The following KCNG3 variants were observed in gnomAD, a reference collection of about 807,000 sequenced individuals.
KCNG3 encodes voltage-gated potassium channel regulatory subunit KCNG3.
In KCNG3, 15 loss-of-function variants were observed where a neutral mutation model predicts 29.0. The ratio of observed to expected loss-of-function variants is 0.52; its 90% CI spans 0.35 to 0.80. The LOEUF is 0.80. Ranked by LOEUF, KCNG3 falls within the 30% of genes least tolerant of loss-of-function variation. KCNG3 has a pLI of 0.01. For missense variants in KCNG3, 512 were observed against 605.7 expected, an observed-to-expected ratio of 0.85 and a Z score of 1.62; for synonymous variants, 322 against 248.9, an observed-to-expected ratio of 1.29 and a Z score of -2.76.
chr2:42,478,531 T>C (rs1673498770), intron 1 of KCNG3, among the ~76,000 whole-genome samples: 1 of 152,014 alleles, frequency 6.6e-6, no homozygotes, highest in African/African-American at 2.4e-5. Context: ...ACACCTGGCC[T>C]GTCAAAGACA....
downstream of KCNG3, among the ~76,000 whole-genome samples, chr2:42,438,851 A>C (rs1672420718): frequency 6.7e-6 from 1 of 149,452 alleles, no homozygotes; most frequent in East Asian, 1.9e-4. Context: ...TCAGAAGCAG[A>C]ACTGATATGC....
the KCNG3 span, among the ~76,000 whole-genome samples, chr2:42,430,071 G>T: frequency 6.6e-6 from 1 of 152,044 alleles, no homozygotes; most frequent in South Asian, 2.1e-4. Flanking sequence ...TTTTATTAAG[G>T]TAACCAACTA....
At chr2:42,435,278 A>G in the KCNG3 span, among the ~76,000 whole-genome samples, 1 of 152,204 alleles carries the variant, frequency 6.6e-6, no homozygotes, top group East Asian at 1.9e-4. Context: ...ACTTCACTCC[A>G]GGCTGGGCAA....
chr2:42,482,582 G>T (rs1352044066), intron 1 of KCNG3, among the ~76,000 whole-genome samples: 1 of 151,030 alleles, frequency 6.6e-6, no homozygotes, highest in Non-Finnish European at 1.5e-5. Flanking sequence ...AATTAGCCGG[G>T]CCTGGGCATG....
chr2:42,419,219 C>CTTTTTTTTTTTTTTTTTTTTTTTTTT, the KCNG3 span, among the ~76,000 whole-genome samples: 6 of 27,736 alleles, frequency 2.2e-4, 3 homozygotes, highest in Non-Finnish European at 2.7e-4. Context: ...GATGGTATCT[C>CTTTTTTTTTTTTTTTTTTTTTTTTTT]TTTTTTTTTT....
At chr2:42,428,717 T>C in the KCNG3 span, among the ~76,000 whole-genome samples, 17 of 152,212 alleles carry the variant, frequency 1.1e-4, no homozygotes, top group African/African-American at 4.1e-4. Context: ...ACAATAAACA[T>C]TAAAACAGCT....
chr2:42,434,609 T>C, the KCNG3 span, among the ~76,000 whole-genome samples: 1 of 134,280 alleles, frequency 7.4e-6, no homozygotes, highest in Non-Finnish European at 1.5e-5. Flanking sequence ...GAGGTTGCAG[T>C]GAGCCGAGAT....
At position 42,443,964 on chromosome 2, in the gene KCNG3, A is replaced by G; in HGVS notation, c.1281T>C (p.Ser427=). 2 of 1,613,568 alleles carry G rather than the reference A, an allele frequency of 1.2e-6. No homozygotes were observed. Among genetic ancestry groups the G allele is most frequent in the Non-Finnish European group, 8.5e-7 (1 of 1,179,774 alleles). Residue 427 remains serine, a synonymous_variant, in exon 2 of 2, where the codon AGT becomes AGC. Coordinates refer to ENST00000306078, the MANE Select transcript of KCNG3 (RefSeq NM_133329.6). The stretch of plus-strand genomic sequence containing the variant: ...TCAGGAATTCAGTGGAGAGGCTCCT[A>G]CTATACCTAGCAGATCTAAACTTGA... ...HELKFRSARY[S]RSLSTEFLN
At chr2:42,410,896 T>C in the KCNG3 span, among the ~76,000 whole-genome samples, 1 of 152,188 alleles carries the variant, frequency 6.6e-6, no homozygotes, top group Non-Finnish European at 1.5e-5. Flanking sequence ...AATTCTCCTA[T>C]GTTTCCTTCT....
At chr2:42,414,565 T>A in the KCNG3 span, among the ~76,000 whole-genome samples, 9 of 152,130 alleles carry the variant, frequency 5.9e-5, no homozygotes, top group South Asian at 6.2e-4. Flanking sequence ...TTTTTTTTTT[T>A]TATATTTGTG....
chr2:42,459,083 A>C (rs1342398522), intron 1 of KCNG3, among the ~76,000 whole-genome samples: 2 of 151,666 alleles, frequency 1.3e-5, no homozygotes, highest in Non-Finnish European at 2.9e-5. Context: ...GTAATCCCAG[A>C]TACTCGGGAG....
At chr2:42,424,461 A>G in the KCNG3 span, among the ~76,000 whole-genome samples, 1 of 151,722 alleles carries the variant, frequency 6.6e-6, no homozygotes, top group African/African-American at 2.4e-5. Flanking sequence ...AACCCAAAAC[A>G]TTAATTATCT....
At chr2:42,478,060 G>A (rs1472971386) in intron 1 of KCNG3, among the ~76,000 whole-genome samples, 5 of 152,028 alleles carry the variant, frequency 3.3e-5, no homozygotes, top group Admixed American at 6.6e-5. Context: ...CACGTTCTCA[G>A]GCCTACTTGT....
At chr2:42,489,525 C>A (rs1673821064) in intron 1 of KCNG3, among the ~76,000 whole-genome samples, 1 of 152,146 alleles carries the variant, frequency 6.6e-6, no homozygotes, top group Non-Finnish European at 1.5e-5. Flanking sequence ...AACCATCACG[C>A]TAAGAAGGAT....
chr2:42,398,500 G>A, the KCNG3 span, among the ~76,000 whole-genome samples: 10 of 152,130 alleles, frequency 6.6e-5, no homozygotes, highest in African/African-American at 2.4e-4. Context: ...GGAAGACTCA[G>A]AATGGCTTTG....
At chr2:42,400,594 G>A in the KCNG3 span, among the ~76,000 whole-genome samples, 10 of 152,128 alleles carry the variant, frequency 6.6e-5, no homozygotes, top group Non-Finnish European at 1.5e-5. Flanking sequence ...AAGAAATTTA[G>A]ACAGTAAATG....
At chr2:42,391,828 T>C in the KCNG3 span, among the ~76,000 whole-genome samples, 1 of 151,642 alleles carries the variant, frequency 6.6e-6, no homozygotes, top group Non-Finnish European at 1.5e-5. Flanking sequence ...GGTCTCGATC[T>C]CCTGACCTCG....
chr2:42,438,269 C>T (rs1301196879), downstream of KCNG3, among the ~76,000 whole-genome samples: 41 of 152,068 alleles, frequency 2.7e-4, no homozygotes, highest in Admixed American at 2.7e-3. Flanking sequence ...AAAAACAAAC[C>T]AATACACACT....
the KCNG3 span, among the ~76,000 whole-genome samples, chr2:42,395,765 GCA>G: frequency 2.0e-5 from 3 of 151,466 alleles, no homozygotes; most frequent in Non-Finnish European, 2.9e-5. Flanking sequence ...ACCAGCCTGA[GCA>G]ACACAGCAAG....
Sources: gnomAD v4.1 joint callset for allele counts (sites outside exome capture counted in the v4.1 genomes callset) on GRCh38, gnomAD v4.1.1 for gene constraint, MANE v1.5 for transcripts, NCBI Gene and HGNC (gene_info 2026-07-23, HGNC 2026-07-21) for gene names.